FBN1: variants seen among roughly 807,000 people sequenced by gnomAD.
FBN1 encodes the protein fibrillin-1.
Under a neutral mutation model 365.1 loss-of-function variants are expected in FBN1, and 29 were observed. The observed-to-expected ratio is 0.08, with a 90% CI of 0.06 to 0.11. The LOEUF is 0.11. Ranked by LOEUF, FBN1 falls within the 10% of genes least tolerant of loss-of-function variation. FBN1 has a pLI of 1.00. For synonymous variants in FBN1, 1,210 were observed against 1,270.5 expected (o/e 0.95, Z 1.01); for missense variants, 2,476 against 3,703.2 (o/e 0.67, Z 8.60).
intron 2 of FBN1, chr15:48,643,635 T>C (rs1597651605): frequency 6.6e-6 from 1 of 152,186 alleles, no homozygotes; most frequent in African/African-American, 2.4e-5. Context: ...ACAGAACCAC[T>C]CAGGAAAAGA....
In FBN1 at chr15:48,534,224, CAG is replaced by C. The variant is rs72041020; in HGVS notation, c.737-21_737-20del. The C allele has an allele frequency of 0.012, 18,891 of 1,574,630 alleles. 402 individuals are homozygous for C. The East Asian group carries it at 0.23, about 19-fold the overall frequency. On this transcript the variant is annotated intron_variant, in intron 7 of 65. Coordinates refer to ENST00000316623, the MANE Select transcript of FBN1 (RefSeq NM_000138.5). Reference sequence around the variant, plus strand: ...TCCACATCTGTCAGATTACAGAAGACAGAGAGAAAAAAAAAAAACTCATATGA... The same window carrying C: ...TCCACATCTGTCAGATTACAGAAGACAGAGAAAAAAAAAAAACTCATATGA...
chr15:48,562,935 G>A (rs2044234404), intron 6 of FBN1, among the ~76,000 whole-genome samples: 2 of 152,142 alleles, frequency 1.3e-5, no homozygotes, highest in Non-Finnish European at 2.9e-5. Context: ...TGAAGAGATT[G>A]TACCAAAAGA....
At chr15:48,457,543 G>C (rs753483452) in intron 43 of FBN1, among the ~76,000 whole-genome samples, 2 of 152,164 alleles carry the variant, frequency 1.3e-5, no homozygotes, top group Non-Finnish European at 2.9e-5. Context: ...GCTATGGATA[G>C]AGACTTTGGA....
chr15:48,640,880 T>C (rs1381517294), intron 2 of FBN1: 1 of 152,204 alleles, frequency 6.6e-6, no homozygotes, highest in East Asian at 1.9e-4. Flanking sequence ...ACTATTGCTA[T>C]TCAAGTACAG....
rs755462838 is a variant in FBN1 at position 48,490,025 on chromosome 15, G to A, written c.2908C>T (p.Pro970Ser). The A allele has an allele frequency of 6.2e-7, 1 of 1,614,096 alleles. No homozygotes were observed. The highest frequency in any genetic ancestry group is 1.1e-5 in the South Asian group (1 of 91,058). ...TCCATGCGGTGGCGGCCAGCAATAGGCAGGGTGCACTCCTCGTCCTCGTAC... is the reference window on the plus strand; with the variant it reads ...TCCATGCGGTGGCGGCCAGCAATAGACAGGGTGCACTCCTCGTCCTCGTAC... ...LRYEDEECTL[P>S]IAGRHRMDAC... is the part of the protein sequence containing the mutation. The change falls in exon 25 of 66, where the codon CCT (proline) becomes TCT (serine). Residue 970 changes from proline to serine, a missense_variant. Transcript: ENST00000316623.
At chr15:48,432,717 G>A (rs1418791370) in intron 55 of FBN1, 149 bp downstream of exon 55, 1 of 971,690 alleles carries the variant, frequency 1.0e-6, no homozygotes, top group Admixed American at 1.9e-5. Flanking sequence ...ACAATTTAGG[G>A]GGAAACGTGG....
At chr15:48,487,230 C>T (rs2043515921) in intron 28 of FBN1, 30 bp from the exon 29 acceptor site, 1 of 1,614,142 alleles carries the variant, frequency 6.2e-7, no homozygotes. Context: ...AACAAACACC[C>T]AAACATAAGC....
chr15:48,497,536 GTC>G, intron 18 of FBN1, 145 bp from the exon 19 acceptor site: 1 of 754,978 alleles, frequency 1.3e-6, no homozygotes, highest in Non-Finnish European at 2.2e-6. Context: ...AGAACACTCT[GTC>G]TCTTTTTCTC....
Position 48,427,800 on chromosome 15 carries a change from G to A in FBN1, c.6998-27C>T, listed in dbSNP as rs1158540730. 6.2e-6 allele frequency: 10 copies of A among 1,602,102 alleles called. No homozygotes were observed. The East Asian group carries it at 2.0e-4, about 32-fold the overall frequency. ...TGGAAGGGACATTATATGGCAAAGG[G>A]GATGTCAGGAAATTTTAAGAGCAAA... On this transcript the variant is annotated intron_variant, in intron 57 of 65. Transcript: ENST00000316623.
chr15:48,468,120 A>G lies in FBN1; in HGVS notation c.4583-18T>C, dbSNP rs1384860336. On this transcript the variant is annotated intron_variant, in intron 37 of 65. Coordinates refer to ENST00000316623, the MANE Select transcript of FBN1 (RefSeq NM_000138.5). ...GCGGGTATCTATTTACCATATACAA[A>G]CACAAAAGCATCAGGCAGAATCTTT... 8.1e-6 allele frequency: 13 copies of G among 1,613,786 alleles called. No individual in the cohort carries two copies. The Admixed American group carries it at 2.2e-4, about 27-fold the overall frequency.
intron 2 of FBN1, among the ~76,000 whole-genome samples, chr15:48,613,489 CATATAT>C (rs146214798): frequency 6.7e-6 from 1 of 149,976 alleles, no homozygotes. Flanking sequence ...ACTTTGAAGC[CATATAT>C]ATATATATAT....
At chr15:48,611,839 C>A (rs1336954947) in intron 3 of FBN1, among the ~76,000 whole-genome samples, 1 of 152,206 alleles carries the variant, frequency 6.6e-6, no homozygotes, top group Non-Finnish European at 1.5e-5. Flanking sequence ...CAGGCATGAT[C>A]TTTTCCTCAA....
chr15:48,618,344 C>A (rs962863312), intron 2 of FBN1, among the ~76,000 whole-genome samples: 3 of 152,064 alleles, frequency 2.0e-5, no homozygotes, highest in Non-Finnish European at 4.4e-5. Context: ...ATTTTCTTAT[C>A]AAGATAAAAA....
intron 7 of FBN1, among the ~76,000 whole-genome samples, chr15:48,535,566 T>C (rs1393208394): frequency 2.6e-5 from 4 of 152,260 alleles, no homozygotes; most frequent in African/African-American, 9.6e-5. Context: ...GTCTAATGTA[T>C]TCTTTTTGAA....
At chr15:48,517,495 T>C (rs1029002836) in intron 10 of FBN1, among the ~76,000 whole-genome samples, 4 of 152,264 alleles carry the variant, frequency 2.6e-5, no homozygotes, top group African/African-American at 7.2e-5. Flanking sequence ...GACTTCATCA[T>C]CTGCTTCCCT....
intron 35 of FBN1, among the ~76,000 whole-genome samples, chr15:48,472,194 C>G (rs61364280): frequency 0.33 from 49,843 of 152,072 alleles, 9,165 homozygotes; most frequent in African/African-American, 0.5. Flanking sequence ...CTTGCACTTT[C>G]AGCTCTTTTC....
At chr15:48,570,337 TC>T (rs1192322856) in intron 6 of FBN1, among the ~76,000 whole-genome samples, 2 of 152,166 alleles carry the variant, frequency 1.3e-5, no homozygotes, top group Admixed American at 1.3e-4. Context: ...CAAATAAGAT[TC>T]TTTACATAAA....
chr15:48,506,919 GCTCTCTCT>G (rs150432019), intron 15 of FBN1, among the ~76,000 whole-genome samples: 1 of 149,522 alleles, frequency 6.7e-6, no homozygotes, highest in Non-Finnish European at 1.5e-5. Context: ...GAGCTGTGGA[GCTCTCTCT>G]CTCTCTCTCT....
chr15:48,523,718 G>T (rs1045876719), intron 9 of FBN1, among the ~76,000 whole-genome samples: 4 of 151,300 alleles, frequency 2.6e-5, no homozygotes, highest in African/African-American at 7.3e-5. Context: ...GCTGGGGGGG[G>T]GGGGGAACCG....
Sources: allele counts gnomAD v4.1 joint callset (sites outside exome capture counted in the v4.1 genomes callset), GRCh38; gene constraint gnomAD v4.1.1; transcripts MANE v1.5; gene names NCBI Gene and HGNC (gene_info 2026-07-23, HGNC 2026-07-21).